ZNF736: variants seen among roughly 807,000 people sequenced by gnomAD.
ZNF736 encodes zinc finger protein 736, also known as KRAB-containing zinc-finger repressor protein.
A neutral mutation model predicts 11.7 loss-of-function variants in ZNF736; 6 were observed. That is an observed-to-expected ratio of 0.51 (90% CI 0.28 to 1.01). The LOEUF (loss-of-function observed/expected upper bound fraction) is 1.01, where lower values mean the gene tolerates loss of function less well. Among genes scored for constraint, ZNF736 ranks in the 50% least tolerant of loss-of-function variants. ZNF736 has a pLI of 0.09. For missense variants in ZNF736, 444 were observed against 496.0 expected (o/e 0.90, Z 1.00); for synonymous variants, 139 against 164.7 (o/e 0.84, Z 1.19).
intron 1 of ZNF736, among the ~76,000 whole-genome samples, chr7:64,328,697 G>A (rs1482544647): frequency 6.6e-6 from 1 of 152,174 alleles, no homozygotes; most frequent in Non-Finnish European, 1.5e-5. Flanking sequence ...AGGAGGTGGA[G>A]CTTGCAGTGA....
intron 3 of ZNF736, among the ~76,000 whole-genome samples, chr7:64,340,092 T>C (rs117430545): frequency 0.035 from 5,357 of 152,282 alleles, 195 homozygotes; most frequent in East Asian, 0.17. Flanking sequence ...CTTGGATCTG[T>C]AGGGCCAGCA....
chr7:64,348,155 G>C lies in ZNF736; in HGVS notation c.292G>C (p.Val98Leu). 5 of 1,549,090 alleles carry C rather than the reference G, an allele frequency of 3.2e-6. No homozygotes were observed. The highest frequency in any genetic ancestry group is 4.4e-6 in the Non-Finnish European group (5 of 1,146,346). The change falls in exon 4 of 4, where the codon GTG becomes CTG. Residue 98 changes from valine to leucine, a missense_variant. Transcript: ENST00000423484. ...DHDIKDSFQK[V>L]ILRKYGSCDL... ...TGACATAAAAGATTCATTTCAAAAA[G>C]TGATTCTGAGAAAATATGGAAGCTG...
intron 1 of ZNF736, 21 bp downstream of exon 1, chr7:64,314,174 T>C: frequency 6.4e-7 from 1 of 1,551,698 alleles, no homozygotes; most frequent in Non-Finnish European, 8.7e-7. Context: ...GGAGTGGGTG[T>C]CCCGAGAATG....
chr7:64,317,392 A>T (rs1788932534), intron 1 of ZNF736, among the ~76,000 whole-genome samples: 1 of 152,224 alleles, frequency 6.6e-6, no homozygotes, highest in African/African-American at 2.4e-5. Context: ...TTTGAAAGCC[A>T]GGCAGATAAT....
intron 1 of ZNF736, among the ~76,000 whole-genome samples, chr7:64,319,568 T>C (rs1788975246): frequency 7.3e-6 from 1 of 137,022 alleles, no homozygotes; most frequent in African/African-American, 2.7e-5. Context: ...CGGTCTTGGC[T>C]CACTGCAACC....
chr7:64,337,915 C>T (rs553055669), intron 3 of ZNF736, among the ~76,000 whole-genome samples: 39 of 151,934 alleles, frequency 2.6e-4, no homozygotes, highest in Admixed American at 1.6e-3. Context: ...CCACCACACC[C>T]GGCTAATTTT....
At chr7:64,334,745 A>G (rs1428954904) in intron 1 of ZNF736, among the ~76,000 whole-genome samples, 1 of 152,222 alleles carries the variant, frequency 6.6e-6, no homozygotes, top group Non-Finnish European at 1.5e-5. Flanking sequence ...TCAAGGATCT[A>G]GAACCAGAAA....
chr7:64,337,750 TTTTTG>T (rs1562673526), intron 3 of ZNF736, among the ~76,000 whole-genome samples: 8 of 85,564 alleles, frequency 9.3e-5, no homozygotes, highest in African/African-American at 2.5e-4. Flanking sequence ...TGTTTTGTTT[TTTTTG>T]GTTTTTTTTT....
At chr7:64,344,060 T>TG (rs1425025306) in intron 3 of ZNF736, among the ~76,000 whole-genome samples, 1 of 152,190 alleles carries the variant, frequency 6.6e-6, no homozygotes, top group Non-Finnish European at 1.5e-5. Context: ...CCCTGCACTT[T>TG]GGGAGGCGAA....
intron 1 of ZNF736, among the ~76,000 whole-genome samples, chr7:64,316,942 A>G (rs1415541413): frequency 6.6e-6 from 1 of 152,200 alleles, no homozygotes; most frequent in African/African-American, 2.4e-5. Context: ...GACAGAGGAA[A>G]TGTCTCTCTC....
At chr7:64,332,227 G>A (rs1789180675) in intron 1 of ZNF736, among the ~76,000 whole-genome samples, 1 of 152,146 alleles carries the variant, frequency 6.6e-6, no homozygotes, top group Non-Finnish European at 1.5e-5. Context: ...CGGGGAACCT[G>A]CCCCCAGTCT....
chr7:64,348,732 G>A lies in ZNF736; in HGVS notation c.869G>A (p.Cys290Tyr). The stretch of plus-strand genomic sequence containing the variant: ...GAGAAACCCTACAAATGTGAAGAAT[G>A]TAACAAAGCCTATAGGTGGTTCTCA... ...TGEKPYKCEE[C>Y]NKAYRWFSDL... Residue 290 changes from cysteine (C) to tyrosine (Y), a missense_variant, in exon 4 of 4, where the codon TGT becomes TAT. Transcript: ENST00000423484. The A allele has an allele frequency of 6.2e-7, 1 of 1,605,864 alleles. No homozygotes were observed.
intron 3 of ZNF736, chr7:64,337,489 T>G (rs1027472560): frequency 1.3e-5 from 2 of 154,158 alleles, no homozygotes; most frequent in African/African-American, 4.8e-5. Flanking sequence ...TATGGAACCT[T>G]CAAACGTGAT....
At chr7:64,334,111 A>G (rs190669382) in intron 1 of ZNF736, among the ~76,000 whole-genome samples, 1 of 152,318 alleles carries the variant, frequency 6.6e-6, no homozygotes, top group East Asian at 1.9e-4. Flanking sequence ...CAGAAACTGG[A>G]CCACCCTCCC....
At chr7:64,337,315 A>G in intron 3 of ZNF736, 1 of 286,952 alleles carries the variant, frequency 3.5e-6, no homozygotes, top group Non-Finnish European at 6.5e-6. Flanking sequence ...CTTTGGGGAA[A>G]CAGCAATATC....
chr7:64,323,226 G>A (rs1789026362), intron 1 of ZNF736, among the ~76,000 whole-genome samples: 2 of 151,926 alleles, frequency 1.3e-5, no homozygotes, highest in African/African-American at 2.4e-5. Flanking sequence ...CATATTATGG[G>A]CACTCATTTG....
intron 1 of ZNF736, among the ~76,000 whole-genome samples, chr7:64,314,411 C>A (rs1234631537): frequency 6.6e-6 from 1 of 152,108 alleles, no homozygotes; most frequent in Non-Finnish European, 1.5e-5. Context: ...AGCTCTGTGC[C>A]GCAACCTCGA....
intron 1 of ZNF736, among the ~76,000 whole-genome samples, chr7:64,327,186 G>C (rs1789094374): frequency 6.6e-6 from 1 of 152,050 alleles, no homozygotes; most frequent in African/African-American, 2.4e-5. Flanking sequence ...TCTAATATTT[G>C]CTTCATATAT....
At chr7:64,325,869 T>C (rs1173405594) in intron 1 of ZNF736, among the ~76,000 whole-genome samples, 3 of 152,148 alleles carry the variant, frequency 2.0e-5, no homozygotes, top group African/African-American at 2.4e-5. Flanking sequence ...TCATAAAATA[T>C]TATGAAGCCA....
Sources: gnomAD v4.1 joint callset for allele counts (sites outside exome capture counted in the v4.1 genomes callset) on GRCh38, gnomAD v4.1.1 for gene constraint, MANE v1.5 for transcripts, NCBI Gene and HGNC (gene_info 2026-07-23, HGNC 2026-07-21) for gene names.